GALNT13: variants seen among roughly 807,000 people sequenced by gnomAD.
The protein encoded by GALNT13 is polypeptide N-acetylgalactosaminyltransferase 13, also known as UDP-GalNAc:polypeptide N-acetylgalactosaminyltransferase 13.
In GALNT13, 28 loss-of-function variants were observed where a neutral mutation model predicts 64.2. The observed-to-expected ratio is 0.44, with a 90% confidence interval of 0.32 to 0.60. The LOEUF (loss-of-function observed/expected upper bound fraction) is 0.60, where lower values mean the gene tolerates loss of function less well. Ranked by LOEUF, GALNT13 falls within the 20% of genes least tolerant of loss-of-function variation. The pLI is 0.05. For synonymous variants in GALNT13, 214 were observed against 224.6 expected (o/e 0.95, Z 0.42); for missense variants, 577 against 669.8 (o/e 0.86, Z 1.53).
rs370799131 is a variant in GALNT13, at chr2:154,087,014, CT to C, written c.143-53321del. On this transcript the variant is annotated intron_variant, in intron 3 of 12. Coordinates refer to ENST00000392825, the MANE Select transcript of GALNT13 (RefSeq NM_052917.4). The stretch of plus-strand genomic sequence containing the variant: ...GTGTTTGCAAGCGTGAATTCAGAAT[CT>C]TGGTAGGAAAAAGGTAAAAGACAAA... Among the ~76,000 whole-genome samples the C allele has an allele frequency of 2.6e-4, 40 of 152,000 alleles. No individual in the cohort carries two copies. The East Asian group carries it at 5.3e-3, about 20-fold the overall frequency.
chr2:153,218,625 T>C, the GALNT13 span, among the ~76,000 whole-genome samples: 4 of 152,130 alleles, frequency 2.6e-5, no homozygotes, highest in African/African-American at 4.8e-5. Flanking sequence ...CTCACCTAGG[T>C]GTTTTGTTGT....
intron 4 of GALNT13, among the ~76,000 whole-genome samples, chr2:154,174,831 T>A (rs1369921203): frequency 6.6e-6 from 1 of 152,156 alleles, no homozygotes; most frequent in Non-Finnish European, 1.5e-5. Context: ...AATAGAATAT[T>A]ATCACGTTTT....
At chr2:153,121,240 A>G in the GALNT13 span, among the ~76,000 whole-genome samples, 1 of 152,230 alleles carries the variant, frequency 6.6e-6, no homozygotes, top group Admixed American at 6.5e-5. Context: ...ACTGTAACCA[A>G]TTAATTTACA....
chr2:153,793,561 C>G, the GALNT13 span, among the ~76,000 whole-genome samples: 2 of 151,904 alleles, frequency 1.3e-5, no homozygotes, highest in Admixed American at 1.3e-4. Context: ...TCTGTTCTCT[C>G]ACTTCTGAAA....
At chr2:154,420,392 T>G (rs1700199206) in intron 11 of GALNT13, among the ~76,000 whole-genome samples, 1 of 152,114 alleles carries the variant, frequency 6.6e-6, no homozygotes, top group African/African-American at 2.4e-5. Context: ...CCAGCAGAAC[T>G]TATTACTCCT....
At chr2:153,645,647 T>C in the GALNT13 span, among the ~76,000 whole-genome samples, 5 of 152,238 alleles carry the variant, frequency 3.3e-5, no homozygotes, top group South Asian at 2.1e-4. Flanking sequence ...TTAGAGAAAG[T>C]GTATTTTGAA....
intron 1 of GALNT13, among the ~76,000 whole-genome samples, chr2:153,887,267 T>G (rs1174473704): frequency 6.6e-6 from 1 of 151,226 alleles, no homozygotes; most frequent in Non-Finnish European, 1.5e-5. Context: ...TAGCAGGTGC[T>G]CAATAAATGT....
the GALNT13 span, among the ~76,000 whole-genome samples, chr2:153,673,368 G>A: frequency 6.6e-6 from 1 of 152,128 alleles, no homozygotes; most frequent in East Asian, 1.9e-4. Context: ...CCACGATCAA[G>A]ACAGCTTCAT....
At chr2:153,807,435 T>C in the GALNT13 span, among the ~76,000 whole-genome samples, 1 of 151,976 alleles carries the variant, frequency 6.6e-6, no homozygotes, top group Non-Finnish European at 1.5e-5. Context: ...AATGGCCATA[T>C]GATATTTCTT....
intron 3 of GALNT13, among the ~76,000 whole-genome samples, chr2:154,013,396 G>A (rs977021254): frequency 6.6e-6 from 1 of 151,968 alleles, no homozygotes; most frequent in African/African-American, 2.4e-5. Flanking sequence ...CTCATAAGCT[G>A]GCCCCAAAAC....
the GALNT13 span, among the ~76,000 whole-genome samples, chr2:153,150,032 C>T: frequency 6.6e-6 from 1 of 151,762 alleles, no homozygotes; most frequent in African/African-American, 2.4e-5. Flanking sequence ...AATATCTCCT[C>T]TGTCTCTGTG....
At chr2:153,221,135 T>G in the GALNT13 span, among the ~76,000 whole-genome samples, 1 of 152,126 alleles carries the variant, frequency 6.6e-6, no homozygotes, top group African/African-American at 2.4e-5. Context: ...CACGTACCCC[T>G]GAACTTAAAA....
At chr2:153,151,292 C>T in the GALNT13 span, among the ~76,000 whole-genome samples, 2 of 152,052 alleles carry the variant, frequency 1.3e-5, no homozygotes, top group African/African-American at 4.8e-5. Flanking sequence ...TACCATCTTA[C>T]ACCAGTTAGA....
the GALNT13 span, among the ~76,000 whole-genome samples, chr2:153,411,970 G>A: frequency 4.6e-5 from 7 of 152,086 alleles, no homozygotes; most frequent in South Asian, 2.1e-4. Context: ...TAATCTGCTC[G>A]GCACCATCTA....
the GALNT13 span, among the ~76,000 whole-genome samples, chr2:153,129,644 G>A: frequency 2.0e-5 from 3 of 152,088 alleles, no homozygotes; most frequent in Non-Finnish European, 4.4e-5. Flanking sequence ...ATGATGGCAT[G>A]CATCTGTAGT....
chr2:154,146,398 G>A (rs1683603579), intron 4 of GALNT13, among the ~76,000 whole-genome samples: 1 of 151,782 alleles, frequency 6.6e-6, no homozygotes, highest in Admixed American at 6.6e-5. Flanking sequence ...GTTTCATTAT[G>A]TAATTTAATT....
chr2:153,179,930 G>C, the GALNT13 span, among the ~76,000 whole-genome samples: 6 of 151,950 alleles, frequency 3.9e-5, no homozygotes, highest in East Asian at 1.2e-3. Flanking sequence ...TTTTTTGGTG[G>C]CTTCTTTAGA....
the GALNT13 span, among the ~76,000 whole-genome samples, chr2:153,310,730 G>C: frequency 6.6e-6 from 1 of 152,136 alleles, no homozygotes; most frequent in Admixed American, 6.5e-5. Context: ...CTGACTCTCA[G>C]GTTTTCTGGG....
intron 3 of GALNT13, among the ~76,000 whole-genome samples, chr2:154,040,938 A>G (rs1277226647): frequency 7.1e-6 from 1 of 140,236 alleles, no homozygotes; most frequent in Non-Finnish European, 1.6e-5. Context: ...ACTTTTAAAG[A>G]GAACATCTGT....
Sources: gnomAD v4.1 joint callset for allele counts (sites outside exome capture counted in the v4.1 genomes callset) on GRCh38, gnomAD v4.1.1 for gene constraint, MANE v1.5 for transcripts, NCBI Gene and HGNC (gene_info 2026-07-23, HGNC 2026-07-21) for gene names.